Variants in PDE6A observed in about 807,000 individuals in gnomAD.
PDE6A encodes the protein rod cGMP-specific 3',5'-cyclic phosphodiesterase subunit alpha.
PDE6A carries 84 observed loss-of-function variants against 106.3 expected under a neutral mutation model. The observed-to-expected ratio is 0.79, with a 90% CI of 0.66 to 0.95. PDE6A has a LOEUF of 0.95. Ranked by LOEUF, PDE6A falls within the 40% of genes least tolerant of loss-of-function variation. The probability of loss-of-function intolerance (pLI) is 0.00; values close to 1 mark genes in which losing one functional copy is unlikely to be tolerated. For synonymous variants in PDE6A, 394 were observed against 386.6 expected, an observed-to-expected ratio of 1.02 and a Z score of -0.23; for missense variants, 1,052 against 1,084.9, an observed-to-expected ratio of 0.97 and a Z score of 0.43.
chr5:149,889,864 G>C (rs2113568087), intron 13 of PDE6A, among the ~76,000 whole-genome samples: 1 of 146,054 alleles, frequency 6.8e-6, no homozygotes, highest in Non-Finnish European at 1.5e-5. Context: ...CTGAGATCAT[G>C]CCACTGCACT....
intron 19 of PDE6A, chr5:149,866,458 C>CAAA: frequency 2.1e-6 from 1 of 467,554 alleles, no homozygotes. Flanking sequence ...GGAAACTGCA[C>CAAA]AAAAAAAAAG....
Position 149,944,268 on chromosome 5 carries a change from A to T in PDE6A, c.406T>A (p.Leu136Met), listed in dbSNP as rs375500044. The T allele has an allele frequency of 1.2e-6, 2 of 1,613,880 alleles. No individual in the cohort carries two copies. The highest frequency in any genetic ancestry group is 2.7e-5 in the African/African-American group (2 of 74,862). Residue 136 changes from leucine (L) to methionine (M), a missense_variant, in exon 1 of 22, where the codon TTG becomes ATG. By Grantham distance (15) the Leu-to-Met change is conservative. This residue lies in a region of PDE6A where 913 missense variants were observed against 915.2 expected (regional missense o/e 1.00). Transcript: ENST00000255266. Reference protein sequence around the residue: ...VMPDQEIVFPLDMGIVGHVAH... With the variant: ...VMPDQEIVFPMDMGIVGHVAH... ...ACATGGCCCACGATGCCCATGTCCAAAGGGAAGACGATCTCTTGGTCGGGC... is the reference window on the plus strand; with the variant it reads ...ACATGGCCCACGATGCCCATGTCCATAGGGAAGACGATCTCTTGGTCGGGC...
At position 149,884,878 on chromosome 5, in the gene PDE6A, AAGAG is replaced by A. The variant is rs1314217225; in HGVS notation, c.1839-15_1839-12del. ...AGTGGGTTCTGGGATCTGAATGAGA[AAGAG>A]AGAGAATCAATATGGAGTGGACAAT... On this transcript the variant is annotated splice_polypyrimidine_tract_variant and intron_variant, in intron 14 of 21. Transcript: ENST00000255266. 2 of 1,602,366 alleles carry A rather than the reference AAGAG, an allele frequency of 1.2e-6. No individual in the cohort carries two copies. The highest frequency in any genetic ancestry group is 1.3e-5 in the African/African-American group (1 of 74,824).
chr5:149,913,548 G>T (rs1204660314), intron 6 of PDE6A, among the ~76,000 whole-genome samples: 2 of 152,140 alleles, frequency 1.3e-5, no homozygotes, highest in African/African-American at 4.8e-5. Flanking sequence ...GATTACTACA[G>T]TTTGGTCTGG....
intron 12 of PDE6A, among the ~76,000 whole-genome samples, chr5:149,895,564 T>C (rs112415889): frequency 0.01 from 1,534 of 152,240 alleles, 5 homozygotes; most frequent in Non-Finnish European, 0.017. Flanking sequence ...TGACTGAGCT[T>C]CATCAGTAAT....
chr5:149,944,554 C>T lies in PDE6A; in HGVS notation c.120G>A (p.Lys40=). 1 of 1,614,024 alleles carries T rather than the reference C, an allele frequency of 6.2e-7. No individual in the cohort carries two copies. Among genetic ancestry groups the T allele is most frequent in the South Asian group, 1.1e-5 (1 of 91,080 alleles). ...AKLISDLLGA[K]EAAVDFSNYH... The stretch of plus-strand genomic sequence containing the variant: ...AGTTGCTGAAGTCCACGGCAGCCTC[C>T]TTGGCCCCAAGGAGGTCGGAGATGA... The change falls in exon 1 of 22, where the codon AAG becomes AAA. Residue 40 remains lysine (K), a synonymous_variant. Coordinates refer to ENST00000255266, the MANE Select transcript of PDE6A (RefSeq NM_000440.3).
intron 1 of PDE6A, among the ~76,000 whole-genome samples, chr5:149,943,060 G>T (rs1754364803): frequency 6.6e-6 from 1 of 151,884 alleles, no homozygotes; most frequent in Non-Finnish European, 1.5e-5. Context: ...TTGGGCTGGG[G>T]GATGGTCAGG....
intron 1 of PDE6A, among the ~76,000 whole-genome samples, chr5:149,943,423 A>G (rs896421100): frequency 3.9e-5 from 6 of 152,176 alleles, no homozygotes; most frequent in Admixed American, 3.3e-4. Flanking sequence ...TTCTTTCTAC[A>G]TAGACACAGT....
At chr5:149,894,638 T>TTTTC (rs1752667171) in intron 13 of PDE6A, among the ~76,000 whole-genome samples, 2 of 146,256 alleles carry the variant, frequency 1.4e-5, no homozygotes, top group Non-Finnish European at 3.0e-5. Context: ...AATTTTTTTT[T>TTTTC]TTTTTTTTTT....
rs1177501867 is a variant in PDE6A, at chr5:149,934,011, G to A, written c.636C>T (p.Leu212=). The A allele has an allele frequency of 1.2e-6, 2 of 1,603,850 alleles. No homozygotes were observed. Among genetic ancestry groups the A allele is most frequent in the Admixed American group, 1.7e-5 (1 of 59,926 alleles). Residue 212 remains leucine, a synonymous_variant, in exon 3 of 22, where the codon CTC becomes CTT. Transcript: ENST00000255266. ...HFTKRDEEIL[L]KYLNFANLIM... ...TTAGATTTGCAAAATTGAGGTACTT[G>A]AGAAGAATCTAAAAATCAAACAGCA...
chr5:149,908,595 T>C (rs1438396345), intron 6 of PDE6A, among the ~76,000 whole-genome samples: 2 of 152,246 alleles, frequency 1.3e-5, no homozygotes, highest in Admixed American at 6.5e-5. Flanking sequence ...AATGTATTTG[T>C]CATTTGCATT....
intron 4 of PDE6A, among the ~76,000 whole-genome samples, chr5:149,928,599 C>A (rs1479719966): frequency 6.6e-6 from 1 of 152,048 alleles, no homozygotes; most frequent in African/African-American, 2.4e-5. Flanking sequence ...AGCATCACCA[C>A]AAATGTGAAG....
intron 17 of PDE6A, among the ~76,000 whole-genome samples, chr5:149,876,533 T>A (rs547716807): frequency 2.4e-3 from 362 of 152,068 alleles, no homozygotes; most frequent in African/African-American, 8.2e-3. Flanking sequence ...GGACAGAGTC[T>A]TACTCTGTGG....
chr5:149,892,302 T>A (rs1752573293), intron 13 of PDE6A, among the ~76,000 whole-genome samples: 1 of 151,726 alleles, frequency 6.6e-6, no homozygotes, highest in African/African-American at 2.4e-5. Flanking sequence ...GGCAACAGAG[T>A]AGGAGCTCAA....
intron 10 of PDE6A, 98 bp downstream of exon 10, chr5:149,898,265 G>T: frequency 9.5e-7 from 1 of 1,049,542 alleles, no homozygotes; most frequent in Non-Finnish European, 1.5e-6. Flanking sequence ...CCATGCCCAG[G>T]CTGTGCCCTC....
intron 16 of PDE6A, 70 bp from the exon 17 acceptor site, chr5:149,883,606 G>A (rs1761012837): frequency 9.8e-7 from 1 of 1,017,638 alleles, no homozygotes; most frequent in Non-Finnish European, 1.5e-6. Context: ...TGCTAACATT[G>A]GCTGATTCAG....
chr5:149,904,678 G>A (rs1264781652), intron 7 of PDE6A, among the ~76,000 whole-genome samples: 1 of 152,092 alleles, frequency 6.6e-6, no homozygotes, highest in Non-Finnish European at 1.5e-5. Flanking sequence ...TGTGGTCTTA[G>A]AGAGCAGGCT....
At position 149,906,519 on chromosome 5, in the gene PDE6A, CAAAA is replaced by C. The variant is rs560905491; in HGVS notation, c.1065+789_1065+792del. Among the ~76,000 whole-genome samples, 8 of 54,202 alleles carry C rather than the reference CAAAA, an allele frequency of 1.5e-4. 1 individual carries two copies. Among genetic ancestry groups the C allele is most frequent in the Admixed American group, 4.1e-4 (2 of 4,876 alleles). The allele number at this position is 54,202 out of a possible 152,430, so 35.6% of individuals were successfully genotyped here. ...CCAGCCTGGGCAACAGAGACACTGTCAAAAAAAAAAAAAAAAAAATCCCACCTTT... is the reference window on the plus strand; with the variant it reads ...CCAGCCTGGGCAACAGAGACACTGTCAAAAAAAAAAAAAAATCCCACCTTT... On this transcript the variant is annotated intron_variant, in intron 7 of 21. Coordinates refer to ENST00000255266, the MANE Select transcript of PDE6A (RefSeq NM_000440.3).
At chr5:149,940,372 C>T (rs1234076651) in intron 1 of PDE6A, among the ~76,000 whole-genome samples, 1 of 152,158 alleles carries the variant, frequency 6.6e-6, no homozygotes, top group East Asian at 1.9e-4. Context: ...CATTGCCCGG[C>T]CCCTGGATGC....
Sources: allele counts gnomAD v4.1 joint callset (sites outside exome capture counted in the v4.1 genomes callset), GRCh38; gene constraint gnomAD v4.1.1; regional missense constraint gnomAD v4.1.1; transcripts MANE v1.5; gene names NCBI Gene and HGNC (gene_info 2026-07-23, HGNC 2026-07-21).